AMY2B: variants seen among roughly 807,000 people sequenced by gnomAD.
AMY2B encodes the protein amylase alpha 2B.
A neutral mutation model predicts 59.3 loss-of-function variants in AMY2B; 63 were observed. The ratio of observed to expected loss-of-function variants is 1.06; its 90% CI spans 0.87 to 1.31. The LOEUF (loss-of-function observed/expected upper bound fraction) is 1.31. Ranked by LOEUF, AMY2B falls within the 50% of genes most tolerant of loss-of-function variation. The pLI, the probability that AMY2B is intolerant of heterozygous loss-of-function variation, is 0.00. For synonymous variants in AMY2B, 180 were observed against 198.1 expected, an observed-to-expected ratio of 0.91 and a Z score of 0.77; for missense variants, 635 against 626.7, an observed-to-expected ratio of 1.01 and a Z score of -0.14.
chr1:103,574,158 TAAC>T (rs1652251830), intron 4 of AMY2B, 99 bp from the exon 5 acceptor site: 1 of 1,527,328 alleles, frequency 6.5e-7, no homozygotes. Flanking sequence ...TATTAATAAA[TAAC>T]AAATAGCTTA....
At chr1:103,573,494 AG>A (rs1652218977) in intron 3 of AMY2B, among the ~76,000 whole-genome samples, 1 of 152,162 alleles carries the variant, frequency 6.6e-6, no homozygotes, top group African/African-American at 2.4e-5. Context: ...CCAATTAAAA[AG>A]CTCGTCGACT....
chr1:103,560,725 A>G (rs1651705454), intron 1 of AMY2B, among the ~76,000 whole-genome samples: 2 of 152,076 alleles, frequency 1.3e-5, no homozygotes, highest in Non-Finnish European at 2.9e-5. Flanking sequence ...TTACTTCTGT[A>G]TTTTTAATCC....
At chr1:103,575,568 CT>C (rs1360413396) in intron 7 of AMY2B, 28 bp downstream of exon 7, 2 of 1,610,626 alleles carry the variant, frequency 1.2e-6, no homozygotes, top group Non-Finnish European at 1.7e-6. Context: ...TCAAACTATC[CT>C]TTTCTCAAGA....
Position 103,579,332 on chromosome 1 carries a change from A to G in AMY2B, c.1368A>G (p.Gln456=). The change falls in exon 10 of 10, where the codon CAA becomes CAG. Residue 456 remains glutamine, a synonymous_variant. Transcript: ENST00000684275. ...NDDWTFSLTL[Q]TGLPAGTYCD... ...ACAGGACATTTTCTTTAACTTTGCA[A>G]ACTGGTCTTCCTGCTGGCACATACT... 6.2e-7 allele frequency: 1 copy of G among 1,611,718 alleles called. No homozygotes were observed. The highest frequency in any genetic ancestry group is 8.5e-7 in the Non-Finnish European group (1 of 1,179,688).
At chr1:103,566,496 ACAT>A in intron 2 of AMY2B, among the ~76,000 whole-genome samples, 1 of 152,298 alleles carries the variant, frequency 6.6e-6, no homozygotes, top group African/African-American at 2.4e-5. Flanking sequence ...CAACCTGTAA[ACAT>A]CATAAAAATA....
intron 7 of AMY2B, among the ~76,000 whole-genome samples, chr1:103,576,628 T>G (rs1652365475): frequency 6.6e-6 from 1 of 152,174 alleles, no homozygotes; most frequent in African/African-American, 2.4e-5. Context: ...AACATAATAT[T>G]AAAACTGGTG....
At chr1:103,564,236 G>A (rs966432900) in intron 1 of AMY2B, among the ~76,000 whole-genome samples, 2 of 152,068 alleles carry the variant, frequency 1.3e-5, no homozygotes, top group African/African-American at 4.8e-5. Flanking sequence ...CATCACACAG[G>A]TTATAAATGG....
chr1:103,566,806 A>G (rs1157668225), upstream of AMY2B, among the ~76,000 whole-genome samples: 1 of 152,202 alleles, frequency 6.6e-6, no homozygotes, highest in Non-Finnish European at 1.5e-5. Context: ...TGCTAGGATT[A>G]GAGTCAAGTT....
intron 1 of AMY2B, among the ~76,000 whole-genome samples, chr1:103,559,640 AAAT>A (rs1364568856): frequency 2.0e-5 from 3 of 152,198 alleles, no homozygotes; most frequent in Admixed American, 2.0e-4. Flanking sequence ...TCAATAAGAA[AAAT>A]AATAAAAGCA....
intron 3 of AMY2B, 48 bp downstream of exon 3, chr1:103,573,308 TTTC>T: frequency 6.2e-7 from 1 of 1,611,756 alleles, no homozygotes; most frequent in Non-Finnish European, 8.5e-7. Context: ...ATATATGCCT[TTTC>T]TTGTAGACAT....
At position 103,574,540 on chromosome 1, in the gene AMY2B, T is replaced by C. The variant is rs1652268173; in HGVS notation, c.878+147T>C. On this transcript the variant is annotated intron_variant, in intron 5 of 9. Coordinates refer to ENST00000684275, the MANE Select transcript of AMY2B (RefSeq NM_001387437.1). ...ATAAGTATTCTAGTGCCCTAAACTCTAATCAATCATCTTTTGTATTTAGAG... is the reference window on the plus strand; with the variant it reads ...ATAAGTATTCTAGTGCCCTAAACTCCAATCAATCATCTTTTGTATTTAGAG... The C allele has an allele frequency of 4.7e-6, 7 of 1,485,374 alleles. No individual in the cohort carries two copies. The African/African-American group carries it at 9.7e-5, about 21-fold the overall frequency. 92.0% of individuals were successfully genotyped at this position (1,485,374 alleles called of 1,614,324 possible). A position where few individuals can be genotyped will look rare whatever the true frequency, so the allele number is the denominator to read the frequency against.
In AMY2B at chr1:103,575,591, A is replaced by G. The variant is rs1291161101; in HGVS notation, c.1101+51A>G. 6.2e-6 allele frequency: 10 copies of G among 1,605,040 alleles called. No individual in the cohort carries two copies. In the Admixed American group the frequency reaches 1.4e-4, roughly 22 times the overall value. ...TCCTTTTCTCAAGAAACAGAAGGCA[A>G]TCTTGTTCTAACTTAATATGACAAC... On this transcript the variant is annotated intron_variant, in intron 7 of 9. Transcript: ENST00000684275.
At chr1:103,555,042 G>A (rs1415547952) in exon 1 of AMY2B, 1 of 151,108 alleles carries the variant, frequency 6.6e-6, no homozygotes, top group Non-Finnish European at 1.5e-5. Flanking sequence ...AGGTTTTTTT[G>A]AATCCCGTGT....
At position 103,574,266 on chromosome 1, in the gene AMY2B, G is replaced by T. The variant is rs759532881; in HGVS notation, c.751G>T (p.Asp251Tyr). 14 of 1,611,656 alleles carry T rather than the reference G, an allele frequency of 8.7e-6. No homozygotes were observed. The highest frequency in any genetic ancestry group is 1.1e-5 in the Non-Finnish European group (13 of 1,179,670). Residue 251 changes from aspartate to tyrosine, a missense_variant, in exon 5 of 10, where the codon GAT becomes TAT. Asp to Tyr is a radical substitution (Grantham distance 160). Coordinates refer to ENST00000684275, the MANE Select transcript of AMY2B (RefSeq NM_001387437.1). ...TTTCCTAATTTTCTACTAGGTAATT[G>T]ATCTGGGTGGTGAGCCAATTAAAAG... is the stretch of plus-strand genomic sequence containing the variant. ...SKPFIYQEVI[D>Y]LGGEPIKSSD...
intron 2 of AMY2B, among the ~76,000 whole-genome samples, chr1:103,572,658 A>T (rs1652182144): frequency 1.3e-5 from 2 of 152,138 alleles, no homozygotes; most frequent in Non-Finnish European, 2.9e-5. Context: ...TTTAATGAGG[A>T]GCATAATTTG....
chr1:103,577,285 T>C (rs1354534073), intron 7 of AMY2B: 17 of 1,038,860 alleles, frequency 1.6e-5, no homozygotes, highest in Non-Finnish European at 2.1e-5. Flanking sequence ...TTACCTTTGT[T>C]TGAAATATGG....
intron 3 of AMY2B, 80 bp downstream of exon 3, chr1:103,573,340 T>C: frequency 6.3e-7 from 1 of 1,598,446 alleles, no homozygotes; most frequent in Non-Finnish European, 8.5e-7. Flanking sequence ...TTGAACTTCA[T>C]TTTAAATACG....
chr1:103,570,551 C>G, upstream of AMY2B: 1 of 605,800 alleles, frequency 1.7e-6, no homozygotes, highest in Middle Eastern at 4.2e-4. Flanking sequence ...CCCCAGAGCA[C>G]AAGTACTCCG....
At position 103,578,254 on chromosome 1, in the gene AMY2B, C is replaced by CT. The variant is rs531339798; in HGVS notation, c.1346+414dup. Among the ~76,000 whole-genome samples, 15 of 152,260 alleles carry CT rather than the reference C, an allele frequency of 9.9e-5. No homozygotes were observed. In the East Asian group the frequency reaches 2.5e-3, roughly 25 times the overall value. ...TACTAATATATCTTTATTTCTAACT[C>CT]TTTTTCTCAATGACTGCTCTATGTA... On this transcript the variant is annotated intron_variant, in intron 9 of 9. Coordinates refer to ENST00000684275, the MANE Select transcript of AMY2B (RefSeq NM_001387437.1).
Sources: allele counts gnomAD v4.1 joint callset (sites outside exome capture counted in the v4.1 genomes callset), GRCh38; gene constraint gnomAD v4.1.1; transcripts MANE v1.5; gene names NCBI Gene and HGNC (gene_info 2026-07-23, HGNC 2026-07-21).